PSMA8: variants seen among roughly 807,000 people sequenced by gnomAD.
PSMA8 encodes proteasome subunit alpha-type 8.
A neutral mutation model predicts 32.4 loss-of-function variants in PSMA8; 18 were observed. The ratio of observed to expected loss-of-function variants is 0.56; its 90% CI spans 0.38 to 0.82. PSMA8 has a LOEUF of 0.82. Ranked by LOEUF, PSMA8 falls within the 40% of genes least tolerant of loss-of-function variation. The pLI is 0.00. For synonymous variants in PSMA8, 104 were observed against 98.1 expected (o/e 1.06, Z -0.36); for missense variants, 298 against 300.7 (o/e 0.99, Z 0.07).
chr18:26,147,502 G>T (rs1189825078), intron 2 of PSMA8, among the ~76,000 whole-genome samples: 1 of 151,974 alleles, frequency 6.6e-6, no homozygotes, highest in Non-Finnish European at 1.5e-5. Context: ...CATTAAAAAA[G>T]AAAGATCTCA....
At chr18:26,180,469 A>G (rs1382189083) in intron 6 of PSMA8, among the ~76,000 whole-genome samples, 1 of 152,104 alleles carries the variant, frequency 6.6e-6, no homozygotes, top group Admixed American at 6.6e-5. Flanking sequence ...CAAAGTTTCA[A>G]TAAATAAGAG....
chr18:26,155,436 G>C (rs997930202), intron 3 of PSMA8, among the ~76,000 whole-genome samples: 3 of 152,116 alleles, frequency 2.0e-5, no homozygotes, highest in African/African-American at 7.2e-5. Context: ...AAAATAGCAT[G>C]GTGCTTTTGT....
At chr18:26,147,865 A>G (rs775516060) in intron 2 of PSMA8, among the ~76,000 whole-genome samples, 2 of 152,196 alleles carry the variant, frequency 1.3e-5, no homozygotes, top group African/African-American at 4.8e-5. Context: ...TGAGAAATGA[A>G]GAAGGGGACA....
chr18:26,153,295 C>G (rs1458038327), intron 3 of PSMA8, among the ~76,000 whole-genome samples: 1 of 152,008 alleles, frequency 6.6e-6, no homozygotes, highest in Non-Finnish European at 1.5e-5. Context: ...AATGATAATA[C>G]TCTTTCCCAC....
At chr18:26,167,533 C>T (rs570029257) in intron 4 of PSMA8, among the ~76,000 whole-genome samples, 23 of 152,230 alleles carry the variant, frequency 1.5e-4, no homozygotes, top group African/African-American at 5.5e-4. Flanking sequence ...GAACCCCTAA[C>T]CCCCAAAAAT....
chr18:26,167,613 T>A lies in PSMA8; in HGVS notation c.477+9369T>A, dbSNP rs1377591888. 2.6e-5 allele frequency among the ~76,000 whole-genome samples: 4 copies of A among 152,278 alleles called. No individual in the cohort carries two copies. In the East Asian group the frequency reaches 5.8e-4, roughly 22 times the overall value. On this transcript the variant is annotated intron_variant, in intron 4 of 6. Transcript: ENST00000415576. The stretch of plus-strand genomic sequence containing the variant: ...TAGGACCCTAATTCCATAGGATCGA[T>A]GTCCTTATAAAAAGAGACAGAGACA...
intron 6 of PSMA8, among the ~76,000 whole-genome samples, chr18:26,187,464 T>A: frequency 6.6e-6 from 1 of 151,362 alleles, no homozygotes. Flanking sequence ...TGGACTAAAC[T>A]CTCCAATCAA....
At chr18:26,187,850 A>C (rs2055368991) in intron 6 of PSMA8, among the ~76,000 whole-genome samples, 1 of 152,190 alleles carries the variant, frequency 6.6e-6, no homozygotes, top group Non-Finnish European at 1.5e-5. Context: ...AGTCTTCAAC[A>C]CCCCATTTTC....
chr18:26,170,651 C>T, intron 4 of PSMA8: 1 of 1,079,646 alleles, frequency 9.3e-7, no homozygotes, highest in Non-Finnish European at 1.3e-6. Flanking sequence ...AACAAAAAAC[C>T]TTTTCTAATG....
At chr18:26,176,351 CA>C (rs1163568367) in intron 4 of PSMA8, among the ~76,000 whole-genome samples, 1 of 151,936 alleles carries the variant, frequency 6.6e-6, no homozygotes, top group Non-Finnish European at 1.5e-5. Flanking sequence ...AACTAGTTAC[CA>C]AAAAACAAAC....
intron 3 of PSMA8, among the ~76,000 whole-genome samples, chr18:26,157,007 A>G (rs189660870): frequency 6.6e-6 from 1 of 151,106 alleles, no homozygotes; most frequent in East Asian, 1.9e-4. Flanking sequence ...CTGGTCACGA[A>G]CTGCTGGGCT....
At chr18:26,174,391 C>T (rs2055248476) in intron 4 of PSMA8, among the ~76,000 whole-genome samples, 1 of 152,128 alleles carries the variant, frequency 6.6e-6, no homozygotes, top group Non-Finnish European at 1.5e-5. Flanking sequence ...GTAGGAATGC[C>T]AGTCTGGCCA....
At chr18:26,173,036 C>T (rs2055236234) in intron 4 of PSMA8, among the ~76,000 whole-genome samples, 1 of 152,158 alleles carries the variant, frequency 6.6e-6, no homozygotes, top group African/African-American at 2.4e-5. Flanking sequence ...AAAGAATGTG[C>T]ACTCTAATTG....
At chr18:26,167,694 C>A (rs146055138) in intron 4 of PSMA8, among the ~76,000 whole-genome samples, 28 of 152,272 alleles carry the variant, frequency 1.8e-4, no homozygotes, top group African/African-American at 5.1e-4. Flanking sequence ...GAAGAAAGGC[C>A]TTGTGAGGAC....
chr18:26,143,130 C>A (rs923290824), intron 1 of PSMA8, among the ~76,000 whole-genome samples: 2 of 152,148 alleles, frequency 1.3e-5, no homozygotes, highest in African/African-American at 2.4e-5. Context: ...TCTCAAATAA[C>A]ATTGTTTTGT....
intron 1 of PSMA8, among the ~76,000 whole-genome samples, chr18:26,134,921 T>C (rs2054899652): frequency 6.6e-6 from 1 of 150,864 alleles, no homozygotes; most frequent in African/African-American, 2.4e-5. Flanking sequence ...GCCATTGCAC[T>C]CCAGCCTGGG....
intron 1 of PSMA8, chr18:26,140,083 G>A: frequency 1.4e-6 from 1 of 703,022 alleles, no homozygotes; most frequent in South Asian, 1.5e-5. Flanking sequence ...CTTGTGGCCT[G>A]GCATGGATGT....
intron 6 of PSMA8, among the ~76,000 whole-genome samples, chr18:26,188,187 C>A (rs1212460543): frequency 6.6e-6 from 1 of 151,682 alleles, no homozygotes; most frequent in African/African-American, 2.4e-5. Context: ...CCTGAATGAC[C>A]AGTGAGTCAA....
At chr18:26,136,673 G>A (rs1322926940) in intron 1 of PSMA8, among the ~76,000 whole-genome samples, 1 of 152,088 alleles carries the variant, frequency 6.6e-6, no homozygotes, top group African/African-American at 2.4e-5. Context: ...ATATTGTACA[G>A]TATTTACTAT....
Sources: allele counts gnomAD v4.1 joint callset (sites outside exome capture counted in the v4.1 genomes callset), GRCh38; gene constraint gnomAD v4.1.1; transcripts MANE v1.5; gene names NCBI Gene and HGNC (gene_info 2026-07-23, HGNC 2026-07-21).